CDH3: variants seen among roughly 807,000 people sequenced by gnomAD.
CDH3 encodes the protein cadherin 3.
Under a neutral mutation model 82.0 loss-of-function variants are expected in CDH3, and 54 were observed. That is an observed-to-expected ratio of 0.66 (90% CI 0.53 to 0.83). CDH3 has a LOEUF of 0.83. Ranked by LOEUF, CDH3 falls within the 40% of genes least tolerant of loss-of-function variation. The pLI is 0.00. For missense variants in CDH3, 1,054 were observed against 1,084.6 expected, an observed-to-expected ratio of 0.97 and a Z score of 0.40; for synonymous variants, 446 against 437.9, an observed-to-expected ratio of 1.02 and a Z score of -0.23.
At chr16:68,690,428 C>T (rs1273368070) in intron 12 of CDH3, among the ~76,000 whole-genome samples, 2 of 151,020 alleles carry the variant, frequency 1.3e-5, no homozygotes, top group Non-Finnish European at 2.9e-5. Flanking sequence ...TGAGACCAGC[C>T]TGACACAAAA....
At chr16:68,722,648 G>A (rs1353460996) in intron 2 of CDH3, 1 of 152,090 alleles carries the variant, frequency 6.6e-6, no homozygotes, top group Non-Finnish European at 1.5e-5. Flanking sequence ...AGTTTACCTG[G>A]GATTTTCATG....
intron 2 of CDH3, among the ~76,000 whole-genome samples, chr16:68,654,118 G>A (rs1469267949): frequency 2.0e-5 from 3 of 147,268 alleles, no homozygotes; most frequent in Non-Finnish European, 3.0e-5. Flanking sequence ...AGGGTGCAGT[G>A]GCACAATCTC....
intron 2 of CDH3, among the ~76,000 whole-genome samples, chr16:68,724,663 T>C (rs1195308339): frequency 6.6e-6 from 1 of 151,656 alleles, no homozygotes; most frequent in African/African-American, 2.4e-5. Context: ...GACCTGTCAA[T>C]TCCCCACACT....
At chr16:68,645,946 A>T in intron 2 of CDH3, 196 bp downstream of exon 2, 1 of 592,458 alleles carries the variant, frequency 1.7e-6, no homozygotes, top group Non-Finnish European at 3.0e-6. Flanking sequence ...AGCGCCTATG[A>T]CATCCAGCCC....
rs374118549 is a variant in CDH3 at position 68,695,361 on chromosome 16, A to T, written c.2109A>T (p.Glu703Asp). 1 of 1,613,372 alleles carries T rather than the reference A, an allele frequency of 6.2e-7. No individual in the cohort carries two copies. Among genetic ancestry groups the T allele is most frequent in the Non-Finnish European group, 8.5e-7 (1 of 1,179,684 alleles). Residue 703 changes from glutamate to aspartate, a missense_variant, in exon 14 of 16, where the codon GAA (glutamate) becomes GAT (aspartate). By Grantham distance (45) the Glu-to-Asp change is conservative (BLOSUM62 2). Coordinates refer to ENST00000264012, the MANE Select transcript of CDH3 (RefSeq NM_001793.6). ...DTRDNVFYYG[E>D]EGGGEEDQDY... ...GTGACAACGTCTTCTACTATGGCGA[A>T]GAGGGGGGTGGCGAAGAGGACCAGG...
At chr16:68,687,786 G>A (rs1203712048) in intron 12 of CDH3, 50 bp downstream of exon 12, 2 of 1,342,558 alleles carry the variant, frequency 1.5e-6, no homozygotes, top group Admixed American at 1.7e-5. Context: ...CCACTGGTGG[G>A]CATCTGCCCC....
chr16:68,731,308 C>A (rs1194041918), downstream of CDH3, among the ~76,000 whole-genome samples: 1 of 114,778 alleles, frequency 8.7e-6, no homozygotes, highest in Non-Finnish European at 1.7e-5. Flanking sequence ...TGCAGTGAGC[C>A]GAGATCACGC....
chr16:68,645,599 G>A (rs1390765029), intron 1 of CDH3, 37 bp from the exon 2 acceptor site: 2 of 1,516,282 alleles, frequency 1.3e-6, no homozygotes, highest in Non-Finnish European at 1.8e-6. Flanking sequence ...GGGCACGCCT[G>A]GACCCAGCCT....
At chr16:68,674,262 AT>A (rs1960970992) in intron 2 of CDH3, among the ~76,000 whole-genome samples, 1 of 151,748 alleles carries the variant, frequency 6.6e-6, no homozygotes, top group Non-Finnish European at 1.5e-5. Flanking sequence ...TGTGATTTTG[AT>A]TTGCATTTCC....
At chr16:68,672,608 G>C (rs550080944) in intron 2 of CDH3, among the ~76,000 whole-genome samples, 2 of 152,328 alleles carry the variant, frequency 1.3e-5, no homozygotes, top group East Asian at 3.9e-4. Flanking sequence ...CTCTGGAACT[G>C]AATCAGGCCC....
chr16:68,653,759 G>C (rs962356699), intron 2 of CDH3, among the ~76,000 whole-genome samples: 23 of 148,312 alleles, frequency 1.6e-4, no homozygotes, highest in South Asian at 6.4e-4. Flanking sequence ...GCCTGATCTC[G>C]GCTCACTGCA....
At chr16:68,683,618 C>T (rs1314479155) in intron 9 of CDH3, among the ~76,000 whole-genome samples, 3 of 134,074 alleles carry the variant, frequency 2.2e-5, no homozygotes, top group South Asian at 2.6e-4. Flanking sequence ...CACCACTGGA[C>T]TCCAGCCTGG....
intron 11 of CDH3, 54 bp downstream of exon 11, chr16:68,685,404 C>T: frequency 1.3e-6 from 2 of 1,572,544 alleles, no homozygotes; most frequent in Non-Finnish European, 1.7e-6. Context: ...TCTCAGGTCA[C>T]ATGACACAGC....
intron 2 of CDH3, among the ~76,000 whole-genome samples, chr16:68,672,635 TCCTC>T: frequency 6.6e-6 from 1 of 152,090 alleles, no homozygotes; most frequent in East Asian, 1.9e-4. Context: ...CCTTTCCCCT[TCCTC>T]CCACTGGCCA....
chr16:68,709,440 G>A (rs1326758180), intron 1 of CDH3, among the ~76,000 whole-genome samples: 1 of 152,052 alleles, frequency 6.6e-6, no homozygotes, highest in African/African-American at 2.4e-5. Context: ...ACCGGAGAAG[G>A]GTTCATGGAG....
downstream of CDH3, among the ~76,000 whole-genome samples, chr16:68,700,908 G>A (rs2152108719): frequency 1.3e-5 from 2 of 152,214 alleles, no homozygotes; most frequent in Middle Eastern, 6.8e-3. Flanking sequence ...TTGGTCCATG[G>A]CACCCTCAGG....
chr16:68,696,290 G>T, intron 15 of CDH3: 1 of 346,714 alleles, frequency 2.9e-6, no homozygotes, highest in South Asian at 2.3e-5. Flanking sequence ...ATGGTGGCGG[G>T]CACCTGTAGT....
intron 2 of CDH3, among the ~76,000 whole-genome samples, chr16:68,669,462 A>C (rs907319891): frequency 1.3e-5 from 2 of 152,100 alleles, no homozygotes; most frequent in African/African-American, 4.8e-5. Context: ...TTCTACAAAT[A>C]GATGCACAGC....
At chr16:68,732,236 C>CCCTACCTAGCCAGG (rs1440841115), downstream of CDH3, among the ~76,000 whole-genome samples, 8 of 152,104 alleles carry the variant, frequency 5.3e-5, no homozygotes, top group African/African-American at 1.9e-4. Flanking sequence ...GGAGCCTGAT[C>CCCTACCTAGCCAGG]AGGCTGTAAT....
Sources: allele counts gnomAD v4.1 joint callset (sites outside exome capture counted in the v4.1 genomes callset), GRCh38; gene constraint gnomAD v4.1.1; transcripts MANE v1.5; gene names NCBI Gene and HGNC (gene_info 2026-07-23, HGNC 2026-07-21).